The following SLC25A21 variants were observed in gnomAD, a reference collection of about 807,000 sequenced individuals.
SLC25A21 encodes solute carrier family 25 member 21, also known as mitochondrial 2-oxodicarboxylate carrier.
SLC25A21 carries 47 observed loss-of-function variants against 43.8 expected under a neutral mutation model. The observed-to-expected ratio is 1.07, with a 90% confidence interval of 0.85 to 1.37. The LOEUF (loss-of-function observed/expected upper bound fraction) is 1.37. SLC25A21 is among the 40% of genes most tolerant of loss of function. The pLI is 0.00. For missense variants in SLC25A21, 352 were observed against 350.2 expected, an observed-to-expected ratio of 1.00 and a Z score of -0.04; for synonymous variants, 131 against 121.3, an observed-to-expected ratio of 1.08 and a Z score of -0.52.
intron 7 of SLC25A21, among the ~76,000 whole-genome samples, chr14:36,700,726 T>C (rs1594502136): frequency 1.3e-5 from 2 of 152,340 alleles, no homozygotes; most frequent in African/African-American, 2.4e-5. Flanking sequence ...TTACTGAGCC[T>C]GACACATCAT....
At chr14:36,864,500 C>T (rs571154648) in intron 2 of SLC25A21, among the ~76,000 whole-genome samples, 74 of 152,342 alleles carry the variant, frequency 4.9e-4, no homozygotes, top group Middle Eastern at 3.4e-3. Flanking sequence ...CTACGCAGTA[C>T]TTTCTTGCTT....
chr14:37,114,423 T>C (rs2138881672), intron 1 of SLC25A21, among the ~76,000 whole-genome samples: 2 of 152,334 alleles, frequency 1.3e-5, no homozygotes, highest in Middle Eastern at 6.8e-3. Flanking sequence ...GTTTGTTTTC[T>C]AAATAGACCA....
chr14:36,700,280 GCA>G (rs1242742343), intron 7 of SLC25A21, among the ~76,000 whole-genome samples: 2 of 152,110 alleles, frequency 1.3e-5, no homozygotes, highest in Admixed American at 1.3e-4. Flanking sequence ...ATCTATTTGT[GCA>G]CAGTCTTTGG....
Position 36,679,184 on chromosome 14 carries a change from T to C in SLC25A21, c.*1474A>G. ...ACAGAGACACATTCTTATTTCTTTT[T>C]TTTCACAATTTTGTTTTGTTTTTAA... On this transcript the variant is annotated 3_prime_UTR_variant, in exon 10 of 10. Transcript: ENST00000331299. The C allele has an allele frequency of 1.0e-6, 1 of 985,244 alleles. No individual in the cohort carries two copies. The highest frequency in any genetic ancestry group is 1.2e-6 in the Non-Finnish European group (1 of 829,782). The allele number at this position is 985,244 out of a possible 1,614,324, so 61.0% of individuals were successfully genotyped here.
chr14:36,708,851 T>C (rs1293097648), intron 7 of SLC25A21, among the ~76,000 whole-genome samples: 2 of 151,156 alleles, frequency 1.3e-5, no homozygotes, highest in Non-Finnish European at 2.9e-5. Context: ...CCCGAAGTGC[T>C]GGGATGACAG....
chr14:36,806,545 T>A (rs55733140), intron 3 of SLC25A21, among the ~76,000 whole-genome samples: 2 of 152,160 alleles, frequency 1.3e-5, no homozygotes, highest in Non-Finnish European at 2.9e-5. Flanking sequence ...TATGATATAC[T>A]AAAGTTAACA....
In SLC25A21 at chr14:37,148,424, G is replaced by T. The variant is rs576641951; in HGVS notation, c.70+23857C>A. ...TCATCTTCATTTAGATACACCATAG[G>T]TCAAAACACAGATGTTTTGTCTTCA... On this transcript the variant is annotated intron_variant, in intron 1 of 9. Coordinates refer to ENST00000331299, the MANE Select transcript of SLC25A21 (RefSeq NM_030631.4). 5.9e-5 allele frequency among the ~76,000 whole-genome samples: 9 copies of T among 152,140 alleles called. No individual in the cohort carries two copies. In the East Asian group the frequency reaches 1.7e-3, roughly 29 times the overall value.
chr14:37,140,886 C>G (rs1029320539), intron 1 of SLC25A21, among the ~76,000 whole-genome samples: 5 of 152,100 alleles, frequency 3.3e-5, no homozygotes, highest in African/African-American at 9.7e-5. Context: ...AAGGCTCACG[C>G]CTGTAATCCC....
chr14:36,808,505 A>C (rs1888122801), intron 3 of SLC25A21, among the ~76,000 whole-genome samples: 1 of 152,194 alleles, frequency 6.6e-6, no homozygotes, highest in Non-Finnish European at 1.5e-5. Context: ...AGGAATATCA[A>C]AGACTTCAGA....
At chr14:37,124,575 G>C (rs1397726821) in intron 1 of SLC25A21, among the ~76,000 whole-genome samples, 8 of 152,154 alleles carry the variant, frequency 5.3e-5, no homozygotes, top group Admixed American at 5.2e-4. Flanking sequence ...TAAGCTCGAT[G>C]GTTTGATTCC....
intron 3 of SLC25A21, among the ~76,000 whole-genome samples, chr14:36,768,873 C>T (rs1432020722): frequency 6.6e-6 from 1 of 150,576 alleles, no homozygotes; most frequent in Non-Finnish European, 1.5e-5. Flanking sequence ...GGCAGAAGGA[C>T]TGCTTGAGGC....
chr14:37,041,338 T>C (rs543850041), intron 1 of SLC25A21, among the ~76,000 whole-genome samples: 1 of 152,236 alleles, frequency 6.6e-6, no homozygotes, highest in East Asian at 1.9e-4. Context: ...AGCCATCTGT[T>C]AAAATGACCC....
At chr14:36,899,858 C>A (rs377586336) in intron 1 of SLC25A21, among the ~76,000 whole-genome samples, 1 of 152,066 alleles carries the variant, frequency 6.6e-6, no homozygotes, top group South Asian at 2.1e-4. Context: ...CTGGGGTGAA[C>A]ACATATTTCA....
chr14:37,114,991 T>A (rs1435124087), intron 1 of SLC25A21, among the ~76,000 whole-genome samples: 1 of 152,180 alleles, frequency 6.6e-6, no homozygotes, highest in Non-Finnish European at 1.5e-5. Context: ...TTGTTCTGGC[T>A]CCAAGGAGAC....
intron 1 of SLC25A21, among the ~76,000 whole-genome samples, chr14:36,884,933 C>T (rs1226870853): frequency 6.6e-6 from 1 of 152,100 alleles, no homozygotes; most frequent in Non-Finnish European, 1.5e-5. Context: ...TATTCACTCT[C>T]TTAATAATGC....
At chr14:36,932,768 TC>T (rs914834113) in intron 1 of SLC25A21, among the ~76,000 whole-genome samples, 4 of 151,484 alleles carry the variant, frequency 2.6e-5, no homozygotes, top group African/African-American at 4.9e-5. Flanking sequence ...GGCAACAAAG[TC>T]CCCCGAGAAG....
intron 1 of SLC25A21, among the ~76,000 whole-genome samples, chr14:36,967,017 T>C (rs927695610): frequency 2.0e-5 from 3 of 152,200 alleles, no homozygotes; most frequent in Non-Finnish European, 4.4e-5. Flanking sequence ...TAGCTCCATC[T>C]AAATATGACA....
At chr14:36,763,953 C>T (rs1594565361) in intron 3 of SLC25A21, among the ~76,000 whole-genome samples, 1 of 149,866 alleles carries the variant, frequency 6.7e-6, no homozygotes, top group East Asian at 2.0e-4. Context: ...TGCTTGAACC[C>T]AGAAGGTGGA....
At chr14:36,804,662 C>T (rs1222182667) in intron 3 of SLC25A21, among the ~76,000 whole-genome samples, 5 of 152,072 alleles carry the variant, frequency 3.3e-5, no homozygotes, top group Admixed American at 6.6e-5. Flanking sequence ...GGAAGACCAG[C>T]GGGAAAGGCA....
Sources: allele counts gnomAD v4.1 joint callset (sites outside exome capture counted in the v4.1 genomes callset), GRCh38; gene constraint gnomAD v4.1.1; transcripts MANE v1.5; gene names NCBI Gene and HGNC (gene_info 2026-07-23, HGNC 2026-07-21).